The following SMIM24 variants were observed in gnomAD, a reference collection of about 807,000 sequenced individuals.
The protein encoded by SMIM24 is MAP17-related dimer.
A neutral mutation model predicts 10.8 loss-of-function variants in SMIM24; 6 were observed. The ratio of observed to expected loss-of-function variants is 0.55; its 90% CI spans 0.30 to 1.09. The LOEUF (loss-of-function observed/expected upper bound fraction) is 1.09, where lower values mean the gene tolerates loss of function less well. Ranked by LOEUF, SMIM24 falls within the 50% of genes least tolerant of loss-of-function variation. SMIM24 has a pLI of 0.06. For missense variants in SMIM24, 151 were observed against 153.4 expected, an observed-to-expected ratio of 0.98 and a Z score of 0.08; for synonymous variants, 71 against 62.4, an observed-to-expected ratio of 1.14 and a Z score of -0.65.
Position 3,478,466 on chromosome 19 carries a change from C to CTCGTCCTCAGCCCTGCAGAGATAAAGG in SMIM24, c.180-15_191dup (p.Asp63_Glu64insAspLeuTyrLeuCysArgAlaGluAsp). On this transcript the variant is annotated inframe_insertion, in exon 3 of 4. Transcript: ENST00000215531. Reference sequence around the variant, plus strand: ...ACTCCATTCTGAACGTGGTCTCCTCCTCGTCCTCAGCCCTGCAGAGATAAA... The same window carrying CTCGTCCTCAGCCCTGCAGAGATAAAGG: ...ACTCCATTCTGAACGTGGTCTCCTCCTCGTCCTCAGCCCTGCAGAGATAAAGGTCGTCCTCAGCCCTGCAGAGATAAA... 1.3e-6 allele frequency: 2 copies of CTCGTCCTCAGCCCTGCAGAGATAAAGG among 1,549,136 alleles called. No individual in the cohort carries two copies. Among genetic ancestry groups the CTCGTCCTCAGCCCTGCAGAGATAAAGG allele is most frequent in the Non-Finnish European group, 1.7e-6 (2 of 1,146,358 alleles).
chr19:3,480,053 A>G (rs1432181639), intron 1 of SMIM24, among the ~76,000 whole-genome samples: 2 of 147,662 alleles, frequency 1.4e-5, no homozygotes, highest in East Asian at 2.0e-4. Context: ...AGTGAGAAGG[A>G]GCGGTTCACA....
chr19:3,478,328 G>C (rs2082801860), intron 3 of SMIM24, 91 bp downstream of exon 3: 1 of 1,219,364 alleles, frequency 8.2e-7, no homozygotes, highest in Non-Finnish European at 1.1e-6. Flanking sequence ...TGTGTTTGAA[G>C]GATTCAGGAC....
At chr19:3,480,271 C>A (rs2082813279) in intron 1 of SMIM24, 126 bp downstream of exon 1, 1 of 1,028,900 alleles carries the variant, frequency 9.7e-7, no homozygotes. Flanking sequence ...TGAGAAGGGC[C>A]TCCAAGCCAC....
At chr19:3,480,371 G>GCCCCCCCC in intron 1 of SMIM24, 26 bp downstream of exon 1, 2 of 1,370,124 alleles carry the variant, frequency 1.5e-6, no homozygotes, top group Non-Finnish European at 2.0e-6. Flanking sequence ...ATCCCGCGAC[G>GCCCCCCCC]CCCCCTCCCG....
At chr19:3,479,879 G>A (rs1156751177) in intron 1 of SMIM24, among the ~76,000 whole-genome samples, 1 of 146,258 alleles carries the variant, frequency 6.8e-6, no homozygotes. Flanking sequence ...AAAGGAGGAA[G>A]GGGCTCGGAT....
Position 3,480,496 on chromosome 19 carries a change from C to T in SMIM24, c.-33G>A, listed in dbSNP as rs1011232109. ...GAGTGAGCCAGCAGCCAGCCAGCGG[C>T]GGTCCCGGGTCGGCGTCCACAGGTT... On this transcript the variant is annotated 5_prime_UTR_variant, in exon 1 of 4. Coordinates refer to ENST00000215531, the MANE Select transcript of SMIM24 (RefSeq NM_001136503.2). The T allele has an allele frequency of 3.2e-6, 5 of 1,546,286 alleles. No homozygotes were observed. Among genetic ancestry groups the T allele is most frequent in the African/African-American group, 1.4e-5 (1 of 73,010 alleles).
At chr19:3,479,550 T>C (rs1400380030) in intron 1 of SMIM24, among the ~76,000 whole-genome samples, 1 of 135,808 alleles carries the variant, frequency 7.4e-6, no homozygotes, top group Non-Finnish European at 1.6e-5. Context: ...GAGGGGCTTA[T>C]AAAGGCGGCA....
At chr19:3,476,433 C>T (rs76251737) in intron 3 of SMIM24, among the ~76,000 whole-genome samples, 7,054 of 150,850 alleles carry the variant, frequency 0.047, 248 homozygotes, top group East Asian at 0.16. Flanking sequence ...GAGGACTGCA[C>T]GGGCAGACTG....
At chr19:3,479,797 G>A (rs1399454902) in intron 1 of SMIM24, among the ~76,000 whole-genome samples, 1 of 147,144 alleles carries the variant, frequency 6.8e-6, no homozygotes, top group East Asian at 2.0e-4. Context: ...GCTCAGAGGG[G>A]AGGGGCTTAC....
At chr19:3,476,029 G>A (rs1048066493) in intron 3 of SMIM24, among the ~76,000 whole-genome samples, 2 of 152,144 alleles carry the variant, frequency 1.3e-5, no homozygotes, top group African/African-American at 4.8e-5. Context: ...ATCAGTGGAT[G>A]GGGGTATGCA....
intron 1 of SMIM24, 32 bp from the exon 2 acceptor site, chr19:3,478,961 G>A: frequency 1.3e-6 from 2 of 1,525,740 alleles, no homozygotes; most frequent in Admixed American, 2.0e-5. Context: ...CGACTCAGAG[G>A]AAGAAAAGGT....
At chr19:3,475,722 G>A (rs1334942510) in intron 3 of SMIM24, among the ~76,000 whole-genome samples, 1 of 151,912 alleles carries the variant, frequency 6.6e-6, no homozygotes, top group East Asian at 1.9e-4. Context: ...ATGGATGGAT[G>A]AGTGGGTGGA....
At position 3,480,493 on chromosome 19, in the gene SMIM24, C is replaced by T. The variant is rs755411138; in HGVS notation, c.-30G>A. 5 of 1,546,656 alleles carry T rather than the reference C, an allele frequency of 3.2e-6. No homozygotes were observed. The highest frequency in any genetic ancestry group is 3.5e-6 in the Non-Finnish European group (4 of 1,144,814). ...GTCGAGTGAGCCAGCAGCCAGCCAG[C>T]GGCGGTCCCGGGTCGGCGTCCACAG... On this transcript the variant is annotated 5_prime_UTR_variant, in exon 1 of 4. Coordinates refer to ENST00000215531, the MANE Select transcript of SMIM24 (RefSeq NM_001136503.2).
At position 3,478,440 on chromosome 19, in the gene SMIM24, G is replaced by A; in HGVS notation, c.218C>T (p.Ser73Phe). 6.5e-7 allele frequency: 1 copy of A among 1,549,572 alleles called. No individual in the cohort carries two copies. The highest frequency in any genetic ancestry group is 8.7e-7 in the Non-Finnish European group (1 of 1,146,458). ...DEEETTFRME[S>F]NLYQDQSEDK... ...GTACCTCTGGTCCTGGTATAGGTTGGACTCCATTCTGAACGTGGTCTCCTC... is the reference window on the plus strand; with the variant it reads ...GTACCTCTGGTCCTGGTATAGGTTGAACTCCATTCTGAACGTGGTCTCCTC... The change falls in exon 3 of 4, where the codon TCC (serine) becomes TTC (phenylalanine). Residue 73 changes from serine (S) to phenylalanine (F), a missense_variant. Coordinates refer to ENST00000215531, the MANE Select transcript of SMIM24 (RefSeq NM_001136503.2).
At chr19:3,479,002 A>T in intron 1 of SMIM24, 73 bp from the exon 2 acceptor site, 1 of 1,226,360 alleles carries the variant, frequency 8.2e-7, no homozygotes. Flanking sequence ...CCACCCTAGC[A>T]AGGAGAGAGA....
intron 3 of SMIM24, among the ~76,000 whole-genome samples, chr19:3,476,819 T>C (rs2082793695): frequency 7.6e-6 from 1 of 132,040 alleles, no homozygotes; most frequent in African/African-American, 2.9e-5. Context: ...TGTGGGTGGA[T>C]GAATGAGTGA....
Position 3,478,468 on chromosome 19 carries a change from C to A in SMIM24, c.190G>T (p.Glu64Ter), listed in dbSNP as rs765964109. 1 of 1,548,934 alleles carries A rather than the reference C, an allele frequency of 6.5e-7. No individual in the cohort carries two copies. Among genetic ancestry groups the A allele is most frequent in the South Asian group, 1.2e-5 (1 of 83,934 alleles). ...TCCATTCTGAACGTGGTCTCCTCCTCGTCCTCAGCCCTGCAGAGATAAAGG... is the reference window on the plus strand; with the variant it reads ...TCCATTCTGAACGTGGTCTCCTCCTAGTCCTCAGCCCTGCAGAGATAAAGG... Reference protein sequence around the residue: ...LWCSKARAEDEEETTFRMESN... With the variant: ...LWCSKARAED Residue 64 changes from glutamate (E) to a stop codon, truncating the protein, a stop_gained, in exon 3 of 4, where the codon GAG (glutamate) becomes TAG (stop). Coordinates refer to ENST00000215531, the MANE Select transcript of SMIM24 (RefSeq NM_001136503.2). LOFTEE classifies it low-confidence loss of function (END_TRUNC).
At chr19:3,477,318 G>A (rs1386074600) in intron 3 of SMIM24, among the ~76,000 whole-genome samples, 24 of 146,748 alleles carry the variant, frequency 1.6e-4, no homozygotes, top group Admixed American at 1.6e-3. Context: ...TAGACAGATG[G>A]TGGGTGGATG....
intron 1 of SMIM24, among the ~76,000 whole-genome samples, chr19:3,480,136 CG>C (rs1046138643): frequency 3.0e-5 from 2 of 66,654 alleles, no homozygotes; most frequent in Non-Finnish European, 5.6e-5. Context: ...GAGCTCAAGG[CG>C]GGGGGTTCAG....
Sources: allele counts gnomAD v4.1 joint callset (sites outside exome capture counted in the v4.1 genomes callset), GRCh38; gene constraint gnomAD v4.1.1; transcripts MANE v1.5; gene names NCBI Gene and HGNC (gene_info 2026-07-23, HGNC 2026-07-21).